The following MCTP1 variants were observed in gnomAD, a reference collection of about 807,000 sequenced individuals.
MCTP1 encodes the protein multiple C2 and transmembrane domain-containing protein 1.
MCTP1 carries 69 observed loss-of-function variants against 120.6 expected under a neutral mutation model. That is an observed-to-expected ratio of 0.57 (90% CI 0.47 to 0.70). The LOEUF (loss-of-function observed/expected upper bound fraction) is 0.70. Ranked by LOEUF, MCTP1 falls within the 30% of genes least tolerant of loss-of-function variation. MCTP1 has a pLI of 0.00. For synonymous variants in MCTP1, 529 were observed against 493.1 expected, an observed-to-expected ratio of 1.07 and a Z score of -0.96; for missense variants, 1,203 against 1,248.8, an observed-to-expected ratio of 0.96 and a Z score of 0.55.
chr5:94,834,031 G>A (rs1055707110), intron 17 of MCTP1, among the ~76,000 whole-genome samples: 4 of 152,176 alleles, frequency 2.6e-5, no homozygotes, highest in Non-Finnish European at 5.9e-5. Context: ...GTGTATGTGC[G>A]TGCATAATCT....
rs1780648336 is a variant in MCTP1, at chr5:94,799,006, G to C, written c.2556+7C>G. On this transcript the variant is annotated splice_region_variant and intron_variant, in intron 18 of 22. Coordinates refer to ENST00000515393, the MANE Select transcript of MCTP1 (RefSeq NM_024717.7). ...AAACACATACAAGTAAGAGAGTAGA[G>C]ACTTACTGTATCACGTTGCCTGTTA... 1.2e-6 allele frequency: 2 copies of C among 1,608,982 alleles called. No individual in the cohort carries two copies. Among genetic ancestry groups the C allele is most frequent in the African/African-American group, 2.7e-5 (2 of 74,636 alleles).
intron 1 of MCTP1, among the ~76,000 whole-genome samples, chr5:95,202,470 C>G (rs918911334): frequency 1.3e-5 from 2 of 152,194 alleles, no homozygotes; most frequent in African/African-American, 4.8e-5. Flanking sequence ...ACTTCCCTAA[C>G]AAATCTTATC....
chr5:95,099,864 G>T (rs1756588838), intron 1 of MCTP1, among the ~76,000 whole-genome samples: 1 of 149,620 alleles, frequency 6.7e-6, no homozygotes, highest in African/African-American at 2.5e-5. Flanking sequence ...CAAAGACTTG[G>T]AACCAACCCA....
chr5:95,034,684 A>G (rs1840928033), intron 1 of MCTP1, among the ~76,000 whole-genome samples: 1 of 152,048 alleles, frequency 6.6e-6, no homozygotes, highest in South Asian at 2.1e-4. Flanking sequence ...TAAGGTGAAG[A>G]CTTCAAAAGC....
intron 1 of MCTP1, among the ~76,000 whole-genome samples, chr5:95,032,585 A>G: frequency 6.6e-6 from 1 of 152,074 alleles, no homozygotes; most frequent in East Asian, 1.9e-4. Flanking sequence ...AATACAGCAA[A>G]AGCAGTGGTA....
At chr5:95,217,048 T>C (rs1753122091) in intron 1 of MCTP1, among the ~76,000 whole-genome samples, 1 of 152,140 alleles carries the variant, frequency 6.6e-6, no homozygotes, top group South Asian at 2.1e-4. Context: ...CAACTGAAAA[T>C]GCACAGTAAA....
chr5:94,907,958 T>C (rs1171525499), intron 10 of MCTP1, among the ~76,000 whole-genome samples: 2 of 152,092 alleles, frequency 1.3e-5, no homozygotes, highest in African/African-American at 4.8e-5. Flanking sequence ...ATTCTGATTA[T>C]CTTGTGGTCA....
intron 2 of MCTP1, among the ~76,000 whole-genome samples, chr5:94,955,388 AGT>A (rs1822317197): frequency 1.3e-5 from 2 of 152,120 alleles, no homozygotes; most frequent in Admixed American, 6.5e-5. Context: ...TTCGTACCCC[AGT>A]GGTACCTGGA....
chr5:94,879,059 A>G (rs557966216), intron 12 of MCTP1, among the ~76,000 whole-genome samples: 3 of 152,104 alleles, frequency 2.0e-5, no homozygotes, highest in Admixed American at 1.3e-4. Context: ...GCTAGACCAA[A>G]AGCCTGCTGT....
At position 95,284,695 on chromosome 5, in the gene MCTP1, G is replaced by A. The variant is rs1369544642; in HGVS notation, c.-120C>T. 3 of 859,968 alleles carry A rather than the reference G, an allele frequency of 3.5e-6. No homozygotes were observed. The highest frequency in any genetic ancestry group is 1.8e-5 in the African/African-American group (1 of 55,134). 53.3% of individuals were successfully genotyped at this position (859,968 alleles called of 1,614,324 possible). A position where few individuals can be genotyped will look rare whatever the true frequency, so the allele number is the denominator to read the frequency against. On this transcript the variant is annotated 5_prime_UTR_variant, in exon 1 of 23. Coordinates refer to ENST00000515393, the MANE Select transcript of MCTP1 (RefSeq NM_024717.7). This position sits in a 1 kb window ranked among gnomAD's most constrained non-coding sequence, Gnocchi z 5.2. The stretch of plus-strand genomic sequence containing the variant: ...CGCTGGCGGTGGCGGCGGCGGCGGC[G>A]GCGGGCGCAGCAGCAGAAACCGGGA...
chr5:94,770,189 A>T (rs1368937472), intron 19 of MCTP1, among the ~76,000 whole-genome samples: 1 of 152,166 alleles, frequency 6.6e-6, no homozygotes, highest in Non-Finnish European at 1.5e-5. Context: ...GTGAAGAAAC[A>T]TGCTTCTCAT....
intron 19 of MCTP1, among the ~76,000 whole-genome samples, chr5:94,748,588 TTTTA>T (rs1299341595): frequency 6.6e-6 from 1 of 152,244 alleles, no homozygotes; most frequent in East Asian, 1.9e-4. Context: ...TGGGGCAAGT[TTTTA>T]TTCTCTGATC....
chr5:94,744,120 G>A (rs931105399), intron 19 of MCTP1, among the ~76,000 whole-genome samples: 34 of 151,832 alleles, frequency 2.2e-4, no homozygotes, highest in Non-Finnish European at 4.4e-4. Flanking sequence ...ACAGATGCAC[G>A]CCACCACACC....
Position 94,922,535 on chromosome 5 carries a change from C to G in MCTP1, c.1272+1427G>C, listed in dbSNP as rs143408342. On this transcript the variant is annotated intron_variant, in intron 7 of 22. Transcript: ENST00000515393. ...TGGAGTTTTGCTCTTTTTGCCCAGG[C>G]TGGTGTGCAATGGCGCAATCGCAGC... 7.8e-3 allele frequency among the ~76,000 whole-genome samples: 1,177 copies of G among 151,540 alleles called. 21 individuals are homozygous for G. Among genetic ancestry groups the G allele is most frequent in the African/African-American group, 0.028 (1,145 of 41,360 alleles).
chr5:94,841,233 A>G (rs1415272910), intron 17 of MCTP1, among the ~76,000 whole-genome samples: 1 of 152,236 alleles, frequency 6.6e-6, no homozygotes, highest in Non-Finnish European at 1.5e-5. Flanking sequence ...CACTGAAAAT[A>G]AAACAATGGT....
At chr5:94,832,307 T>C (rs142830819) in intron 17 of MCTP1, among the ~76,000 whole-genome samples, 1 of 152,280 alleles carries the variant, frequency 6.6e-6, no homozygotes, top group African/African-American at 2.4e-5. Flanking sequence ...CCAAGGGGGT[T>C]AGAAAAGTTA....
intron 3 of MCTP1, 106 bp from the exon 4 acceptor site, chr5:94,942,533 T>A (rs1276733398): frequency 3.1e-6 from 2 of 652,512 alleles, no homozygotes; most frequent in East Asian, 3.0e-5. Context: ...ACCAAAAGCA[T>A]ACTAATATTT....
chr5:94,711,978 AAT>A (rs1326220990), intron 20 of MCTP1, among the ~76,000 whole-genome samples: 2 of 151,748 alleles, frequency 1.3e-5, no homozygotes, highest in African/African-American at 4.8e-5. Flanking sequence ...TGGGCATATA[AAT>A]ATATCACCAT....
intron 1 of MCTP1, among the ~76,000 whole-genome samples, chr5:95,192,796 G>A (rs6556861): frequency 0.38 from 57,100 of 151,808 alleles, 10,786 homozygotes; most frequent in Middle Eastern, 0.41. Context: ...GTTTGTGTCA[G>A]TATTAAGCCA....
Sources: allele counts gnomAD v4.1 joint callset (sites outside exome capture counted in the v4.1 genomes callset), GRCh38; gene constraint gnomAD v4.1.1; non-coding constraint Gnocchi (gnomAD v3.1); transcripts MANE v1.5; gene names NCBI Gene and HGNC (gene_info 2026-07-23, HGNC 2026-07-21).